FSHR: variants seen among roughly 807,000 people sequenced by gnomAD.
FSHR encodes the protein follicle-stimulating hormone receptor.
Under a neutral mutation model 52.1 loss-of-function variants are expected in FSHR, and 46 were observed. The ratio of observed to expected loss-of-function variants is 0.88; its 90% CI spans 0.70 to 1.13. The LOEUF is 1.13. Among genes scored for constraint, FSHR ranks in the 50% most tolerant of loss-of-function variants. The probability of loss-of-function intolerance (pLI) is 0.00; values close to 1 mark genes in which losing one functional copy is unlikely to be tolerated. For missense variants in FSHR, 964 were observed against 834.6 expected (o/e 1.16, Z -1.91); for synonymous variants, 399 against 309.6 (o/e 1.29, Z -3.03).
At chr2:49,021,884 TATAG>T (rs1375294022) in intron 2 of FSHR, among the ~76,000 whole-genome samples, 51 of 36,534 alleles carry the variant, frequency 1.4e-3, no homozygotes, top group Non-Finnish European at 1.8e-3. Context: ...TATATATATA[TATAG>T]AGAGAGAGAG....
chr2:49,121,177 CAG>C (rs768460148), intron 1 of FSHR, among the ~76,000 whole-genome samples: 38 of 152,160 alleles, frequency 2.5e-4, no homozygotes, highest in Non-Finnish European at 4.7e-4. Flanking sequence ...TTCTATGTGC[CAG>C]ACACTGCTGA....
At chr2:49,054,378 C>T (rs930708791) in intron 2 of FSHR, among the ~76,000 whole-genome samples, 5 of 152,072 alleles carry the variant, frequency 3.3e-5, no homozygotes, top group African/African-American at 1.2e-4. Context: ...AAGAAACAGC[C>T]CCAGAATCCA....
At chr2:49,119,450 G>C (rs1254751088) in intron 1 of FSHR, among the ~76,000 whole-genome samples, 1 of 151,848 alleles carries the variant, frequency 6.6e-6, no homozygotes, top group Non-Finnish European at 1.5e-5. Flanking sequence ...TTACATGCTG[G>C]AAACCTAAAA....
intron 2 of FSHR, among the ~76,000 whole-genome samples, chr2:49,038,463 A>AT (rs2104274610): frequency 6.6e-6 from 1 of 151,716 alleles, no homozygotes; most frequent in Non-Finnish European, 1.5e-5. Flanking sequence ...CTACTAAAAA[A>AT]ACAAAAAAAT....
chr2:49,096,918 C>T (rs2103710036), intron 1 of FSHR, among the ~76,000 whole-genome samples: 1 of 152,286 alleles, frequency 6.6e-6, no homozygotes, highest in South Asian at 2.1e-4. Flanking sequence ...TATGCCTACT[C>T]CCACTTTACC....
chr2:49,141,016 G>A (rs569501227), intron 1 of FSHR, among the ~76,000 whole-genome samples: 1 of 152,298 alleles, frequency 6.6e-6, no homozygotes, highest in East Asian at 1.9e-4. Flanking sequence ...TAAGAAATGT[G>A]TAAAAGGCAA....
At chr2:49,052,741 C>G (rs1458314144) in intron 2 of FSHR, among the ~76,000 whole-genome samples, 1 of 152,100 alleles carries the variant, frequency 6.6e-6, no homozygotes, top group Admixed American at 6.5e-5. Context: ...TTTGAGTAAG[C>G]GGGACTCAAG....
At chr2:49,034,428 G>C (rs1668210544) in intron 2 of FSHR, among the ~76,000 whole-genome samples, 1 of 152,200 alleles carries the variant, frequency 6.6e-6, no homozygotes, top group African/African-American at 2.4e-5. Context: ...GATACCTTTA[G>C]AGCAAAGTGG....
intron 1 of FSHR, among the ~76,000 whole-genome samples, chr2:49,089,613 A>G (rs527310079): frequency 2.0e-5 from 3 of 152,340 alleles, no homozygotes; most frequent in South Asian, 2.1e-4. Context: ...CTGCAATGCA[A>G]CAATGATATA....
intron 8 of FSHR, among the ~76,000 whole-genome samples, chr2:48,978,551 A>T (rs1456924293): frequency 6.6e-6 from 1 of 152,230 alleles, no homozygotes; most frequent in African/African-American, 2.4e-5. Context: ...CCAGCCTGCA[A>T]AGGCAATGCA....
At chr2:48,973,410 G>T (rs79470929) in intron 8 of FSHR, among the ~76,000 whole-genome samples, 228 of 152,288 alleles carry the variant, frequency 1.5e-3, no homozygotes, top group African/African-American at 5.2e-3. Flanking sequence ...CATGGATCAG[G>T]GCCAGCCATC....
intron 2 of FSHR, among the ~76,000 whole-genome samples, chr2:49,065,902 T>C (rs963823413): frequency 6.6e-6 from 1 of 151,904 alleles, no homozygotes; most frequent in Non-Finnish European, 1.5e-5. Context: ...AGAAGTTAAG[T>C]GGGGAAAGGG....
chr2:49,084,837 A>G (rs1214094273), intron 1 of FSHR, among the ~76,000 whole-genome samples: 2 of 152,194 alleles, frequency 1.3e-5, no homozygotes, highest in Non-Finnish European at 2.9e-5. Flanking sequence ...AGGATCTGAA[A>G]TTGTGGCAAT....
At chr2:48,985,198 C>A (rs1238231956) in intron 6 of FSHR, among the ~76,000 whole-genome samples, 3 of 152,180 alleles carry the variant, frequency 2.0e-5, no homozygotes, top group Admixed American at 2.0e-4. Flanking sequence ...TACCTTAACC[C>A]TTTTGTGTCC....
At chr2:49,013,264 T>A (rs1021623560) in intron 4 of FSHR, among the ~76,000 whole-genome samples, 9 of 151,724 alleles carry the variant, frequency 5.9e-5, no homozygotes, top group Non-Finnish European at 1.3e-4. Flanking sequence ...AATAAATTTC[T>A]GTTGTTTAAT....
chr2:49,153,326 G>C (rs577030728), intron 1 of FSHR, among the ~76,000 whole-genome samples: 5 of 152,182 alleles, frequency 3.3e-5, no homozygotes, highest in Middle Eastern at 3.2e-3. Flanking sequence ...TAAAATCCCT[G>C]AGTCCCAACT....
chr2:49,109,025 C>A (rs1671333443), intron 1 of FSHR, among the ~76,000 whole-genome samples: 1 of 152,112 alleles, frequency 6.6e-6, no homozygotes, highest in Non-Finnish European at 1.5e-5. Context: ...GAGGAGATGT[C>A]TTCACCGGGG....
chr2:49,074,286 A>G (rs1010496125), intron 1 of FSHR, among the ~76,000 whole-genome samples: 2 of 152,120 alleles, frequency 1.3e-5, no homozygotes, highest in African/African-American at 4.8e-5. Flanking sequence ...CCAACTACCC[A>G]TTTGACAGAA....
intron 5 of FSHR, among the ~76,000 whole-genome samples, chr2:48,990,193 T>G (rs1050097376): frequency 6.6e-6 from 1 of 152,146 alleles, no homozygotes; most frequent in African/African-American, 2.4e-5. Flanking sequence ...ATAGTTTCTT[T>G]GTGCCCAGGG....
Sources: gnomAD v4.1 joint callset for allele counts (sites outside exome capture counted in the v4.1 genomes callset) on GRCh38, gnomAD v4.1.1 for gene constraint, MANE v1.5 for transcripts, NCBI Gene and HGNC (gene_info 2026-07-23, HGNC 2026-07-21) for gene names.